EYS: variants seen among roughly 807,000 people sequenced by gnomAD.
EYS encodes protein eyes shut homolog.
Under a neutral mutation model 282.1 loss-of-function variants are expected in EYS, and 250 were observed. The observed-to-expected ratio is 0.89, with a 90% CI of 0.80 to 0.98. EYS has a LOEUF of 0.98. Among genes scored for constraint, EYS ranks in the 50% least tolerant of loss-of-function variants. The probability of loss-of-function intolerance (pLI) is 0.00; values close to 1 mark genes in which losing one functional copy is unlikely to be tolerated. For synonymous variants in EYS, 1,355 were observed against 1,282.9 expected, an observed-to-expected ratio of 1.06 and a Z score of -1.20; for missense variants, 4,016 against 3,709.0, an observed-to-expected ratio of 1.08 and a Z score of -2.15.
chr6:64,645,042 T>C (rs1323945203), intron 22 of EYS, among the ~76,000 whole-genome samples: 1 of 152,232 alleles, frequency 6.6e-6, no homozygotes, highest in Non-Finnish European at 1.5e-5. Flanking sequence ...TACCAATTCA[T>C]TCATCAGAAT....
At chr6:64,386,629 G>A (rs142383189) in intron 29 of EYS, among the ~76,000 whole-genome samples, 179 of 152,164 alleles carry the variant, frequency 1.2e-3, no homozygotes, top group African/African-American at 3.9e-3. Context: ...TAAACCTGCC[G>A]TTTTCCCTAT....
chr6:64,758,310 C>T (rs904347490), intron 22 of EYS, among the ~76,000 whole-genome samples: 13 of 152,110 alleles, frequency 8.5e-5, no homozygotes, highest in South Asian at 6.2e-4. Context: ...ACTAATACAA[C>T]TTGATTACAA....
At chr6:64,991,343 C>T (rs1771056383) in intron 14 of EYS, among the ~76,000 whole-genome samples, 1 of 151,582 alleles carries the variant, frequency 6.6e-6, no homozygotes, top group Non-Finnish European at 1.5e-5. Context: ...CTAGTCACTG[C>T]AGTGCCTCTT....
At chr6:63,828,084 A>G (rs1245612940) in intron 36 of EYS, among the ~76,000 whole-genome samples, 1 of 152,168 alleles carries the variant, frequency 6.6e-6, no homozygotes, top group African/African-American at 2.4e-5. Flanking sequence ...GGGGTACAGC[A>G]AAGACAGTGC....
chr6:65,119,100 G>C (rs1328067920), intron 12 of EYS, among the ~76,000 whole-genome samples: 1 of 152,030 alleles, frequency 6.6e-6, no homozygotes, highest in East Asian at 1.9e-4. Flanking sequence ...AATATCAATA[G>C]TTAAGTTTTT....
intron 18 of EYS, among the ~76,000 whole-genome samples, chr6:64,899,102 T>C (rs537001515): frequency 9.1e-4 from 139 of 152,178 alleles, no homozygotes; most frequent in Non-Finnish European, 1.8e-3. Context: ...CTGGACCAAG[T>C]GGACCTAATA....
intron 2 of EYS, among the ~76,000 whole-genome samples, chr6:65,627,569 G>A (rs540654397): frequency 1.3e-5 from 2 of 152,136 alleles, no homozygotes; most frequent in Non-Finnish European, 2.9e-5. Context: ...CCGCGCTTGC[G>A]GGCCAGCTGG....
chr6:64,872,195 G>T (rs1004909491), intron 19 of EYS, among the ~76,000 whole-genome samples: 1 of 152,006 alleles, frequency 6.6e-6, no homozygotes, highest in African/African-American at 2.4e-5. Flanking sequence ...CTCATAGCCA[G>T]CCTGTTGTTA....
At chr6:64,758,025 C>T (rs930652793) in intron 22 of EYS, among the ~76,000 whole-genome samples, 2 of 152,182 alleles carry the variant, frequency 1.3e-5, no homozygotes, top group East Asian at 1.9e-4. Flanking sequence ...CTGCCCGCCT[C>T]GGCCTCCCAA....
At chr6:64,394,537 T>C (rs1001682953) in intron 28 of EYS, among the ~76,000 whole-genome samples, 1 of 152,130 alleles carries the variant, frequency 6.6e-6, no homozygotes, top group Non-Finnish European at 1.5e-5. Flanking sequence ...GGGAAATGAT[T>C]CCCTATTTAA....
At chr6:65,200,838 T>A (rs992945278) in intron 12 of EYS, among the ~76,000 whole-genome samples, 1 of 151,612 alleles carries the variant, frequency 6.6e-6, no homozygotes, top group Non-Finnish European at 1.5e-5. Flanking sequence ...AGTAATAAAA[T>A]CAAATAAACT....
intron 22 of EYS, among the ~76,000 whole-genome samples, chr6:64,646,489 A>G (rs1442410945): frequency 6.6e-6 from 1 of 152,106 alleles, no homozygotes; most frequent in East Asian, 1.9e-4. Context: ...GATATTTATG[A>G]AGTTTGAGAT....
At chr6:65,074,669 C>A (rs1773995104) in intron 12 of EYS, among the ~76,000 whole-genome samples, 1 of 152,004 alleles carries the variant, frequency 6.6e-6, no homozygotes, top group Non-Finnish European at 1.5e-5. Context: ...AAACACAGAG[C>A]ATCAGATCAT....
intron 22 of EYS, among the ~76,000 whole-genome samples, chr6:64,786,182 T>C (rs996573584): frequency 1.4e-4 from 13 of 90,282 alleles, no homozygotes; most frequent in African/African-American, 3.5e-4. Flanking sequence ...TCTTTACTGG[T>C]TCTACATTTT....
At chr6:64,658,184 T>C (rs941285381) in intron 22 of EYS, among the ~76,000 whole-genome samples, 1 of 152,228 alleles carries the variant, frequency 6.6e-6, no homozygotes, top group Non-Finnish European at 1.5e-5. Flanking sequence ...GTAGTTCTCC[T>C]GCCTTGGTTT....
intron 35 of EYS, among the ~76,000 whole-genome samples, chr6:63,883,459 G>A (rs1230372357): frequency 2.0e-5 from 3 of 152,196 alleles, no homozygotes; most frequent in African/African-American, 7.2e-5. Context: ...AATGCCCCAC[G>A]GGGGAAACTC....
At chr6:65,197,480 G>A (rs1765798337) in intron 12 of EYS, among the ~76,000 whole-genome samples, 3 of 152,108 alleles carry the variant, frequency 2.0e-5, no homozygotes, top group Non-Finnish European at 4.4e-5. Flanking sequence ...TGGTTTTGAA[G>A]AGGAAGTTCA....
chr6:64,324,045 C>A (rs573630549), intron 29 of EYS, among the ~76,000 whole-genome samples: 3 of 152,246 alleles, frequency 2.0e-5, no homozygotes, highest in South Asian at 4.2e-4. Flanking sequence ...ATCACCCTAA[C>A]TTTTGACAGC....
chr6:64,106,439 GT>G (rs1048405370), intron 31 of EYS, among the ~76,000 whole-genome samples: 3 of 151,582 alleles, frequency 2.0e-5, no homozygotes, highest in East Asian at 1.9e-4. Flanking sequence ...TATAGGTAGT[GT>G]TTTTTTTCTG....
Sources: allele counts gnomAD v4.1 joint callset (sites outside exome capture counted in the v4.1 genomes callset), GRCh38; gene constraint gnomAD v4.1.1; transcripts MANE v1.5; gene names NCBI Gene and HGNC (gene_info 2026-07-23, HGNC 2026-07-21).